SLC5A12: variants seen among roughly 807,000 people sequenced by gnomAD.
SLC5A12 encodes the protein sodium-coupled monocarboxylate transporter 2.
Under a neutral mutation model 72.7 loss-of-function variants are expected in SLC5A12, and 46 were observed. The observed-to-expected ratio is 0.63, with a 90% CI of 0.50 to 0.81. The LOEUF (loss-of-function observed/expected upper bound fraction) is 0.81. SLC5A12 is among the 30% of genes least tolerant of loss of function. SLC5A12 has a pLI of 0.00. For missense variants in SLC5A12, 683 were observed against 740.7 expected (o/e 0.92, Z 0.90); for synonymous variants, 275 against 264.4 (o/e 1.04, Z -0.39).
At chr11:26,709,280 T>C in intron 4 of SLC5A12, 32 bp downstream of exon 4, 1 of 1,516,428 alleles carries the variant, frequency 6.6e-7, no homozygotes, top group East Asian at 2.3e-5. Flanking sequence ...TAGGAGGTAG[T>C]GTTAAATACT....
chr11:26,689,665 AT>A (rs917866136), intron 9 of SLC5A12, among the ~76,000 whole-genome samples: 6 of 151,578 alleles, frequency 4.0e-5, no homozygotes, highest in African/African-American at 7.3e-5. Context: ...TTATAGGTGA[AT>A]TTTTTTTTAC....
chr11:26,704,344 C>G (rs1590732312), intron 4 of SLC5A12, among the ~76,000 whole-genome samples: 1 of 152,102 alleles, frequency 6.6e-6, no homozygotes, highest in Non-Finnish European at 1.5e-5. Flanking sequence ...AGAGGACAAA[C>G]AGAAGCGGGA....
At chr11:26,693,937 G>C (rs747450879) in intron 8 of SLC5A12, among the ~76,000 whole-genome samples, 3 of 152,076 alleles carry the variant, frequency 2.0e-5, no homozygotes. Context: ...AGTTAAATAA[G>C]GAGAGAAGGG....
At chr11:26,688,543 A>G (rs1854591504) in intron 9 of SLC5A12, among the ~76,000 whole-genome samples, 1 of 152,222 alleles carries the variant, frequency 6.6e-6, no homozygotes, top group African/African-American at 2.4e-5. Flanking sequence ...ACATGACAAA[A>G]TGTTGCCAAA....
At chr11:26,706,872 T>C (rs1032780856) in intron 4 of SLC5A12, among the ~76,000 whole-genome samples, 3 of 150,504 alleles carry the variant, frequency 2.0e-5, no homozygotes, top group South Asian at 2.1e-4. Context: ...TTTAATAATA[T>C]ATAAATTATA....
chr11:26,704,087 C>T, intron 4 of SLC5A12, 140 bp from the exon 5 acceptor site: 1 of 842,646 alleles, frequency 1.2e-6, no homozygotes, highest in Non-Finnish European at 1.9e-6. Flanking sequence ...GTGCCAAGTA[C>T]CATGTTAAGC....
chr11:26,678,879 C>A (rs889018100), intron 12 of SLC5A12, 64 bp from the exon 13 acceptor site: 2 of 1,090,454 alleles, frequency 1.8e-6, no homozygotes, highest in Admixed American at 2.2e-5. Flanking sequence ...ATGTAGAGGA[C>A]TGCTCAGGAT....
At position 26,697,150 on chromosome 11, in the gene SLC5A12, G is replaced by T. The variant is rs1224230460; in HGVS notation, c.1040+14C>A. On this transcript the variant is annotated intron_variant, in intron 8 of 14. Coordinates refer to ENST00000396005, the MANE Select transcript of SLC5A12 (RefSeq NM_178498.4). Reference sequence around the variant, plus strand: ...TTTCCATCATCATCATCAGATTGTTGTTGCTATACTAACCTCAGAGTTCCA... The same window carrying T: ...TTTCCATCATCATCATCAGATTGTTTTTGCTATACTAACCTCAGAGTTCCA... The T allele has an allele frequency of 1.2e-6, 2 of 1,601,586 alleles. No homozygotes were observed. The highest frequency in any genetic ancestry group is 1.7e-6 in the Non-Finnish European group (2 of 1,171,980).
intron 6 of SLC5A12, among the ~76,000 whole-genome samples, chr11:26,699,525 A>T (rs1207036307): frequency 2.6e-5 from 4 of 152,174 alleles, no homozygotes; most frequent in Non-Finnish European, 4.4e-5. Context: ...AGAAGTTTTT[A>T]TCTCAAAGTC....
intron 9 of SLC5A12, 73 bp downstream of exon 9, chr11:26,692,416 A>C: frequency 1.0e-6 from 1 of 984,982 alleles, no homozygotes; most frequent in Non-Finnish European, 1.6e-6. Flanking sequence ...CCTGAATAGC[A>C]CATGCAGGAT....
Position 26,669,108 on chromosome 11 carries a change from C to G in SLC5A12, c.*1994G>C, listed in dbSNP as rs928671919. The G allele has an allele frequency of 1.3e-5, 2 of 151,044 alleles. No homozygotes were observed. The highest frequency in any genetic ancestry group is 3.0e-5 in the Non-Finnish European group (2 of 67,760). 9.4% of individuals were successfully genotyped at this position (151,044 alleles called of 1,614,324 possible). On this transcript the variant is annotated 3_prime_UTR_variant, in exon 15 of 15. Transcript: ENST00000396005. ...ATGTAATACCTACCATTAATTTATT[C>G]TCATCCTCAGAATTGCTGTTTTTTT...
chr11:26,697,892 C>CTTTTTTTTT (rs34284911), intron 7 of SLC5A12, among the ~76,000 whole-genome samples: 1 of 93,970 alleles, frequency 1.1e-5, no homozygotes, highest in African/African-American at 4.3e-5. Flanking sequence ...GAGATGCCGT[C>CTTTTTTTTT]TTTTTTTTTT....
chr11:26,668,722 A>G lies in SLC5A12; in HGVS notation c.*2380T>C, dbSNP rs1854056938. 6.6e-6 allele frequency: 1 copy of G among 152,028 alleles called. No homozygotes were observed. Among genetic ancestry groups the G allele is most frequent in the Admixed American group, 6.6e-5 (1 of 15,224 alleles). The allele number at this position is 152,028 out of a possible 1,614,324, so 9.4% of individuals were successfully genotyped here. On this transcript the variant is annotated 3_prime_UTR_variant, in exon 15 of 15. Coordinates refer to ENST00000396005, the MANE Select transcript of SLC5A12 (RefSeq NM_178498.4). ...ATTAAGAAGAATGGGGGGAGTCTCT[A>G]CATTGACCTCTAAAATCTCTTGAAA...
chr11:26,712,823 G>C (rs369762687), intron 1 of SLC5A12, 117 bp from the exon 2 acceptor site: 28 of 502,398 alleles, frequency 5.6e-5, no homozygotes, highest in African/African-American at 4.5e-4. Flanking sequence ...CTGATTTTAT[G>C]ATATGTATCC....
chr11:26,684,604 C>A (rs2133152372), intron 10 of SLC5A12, among the ~76,000 whole-genome samples: 1 of 152,172 alleles, frequency 6.6e-6, no homozygotes, highest in South Asian at 2.1e-4. Flanking sequence ...ACATCTTAAT[C>A]AATCAAGAAG....
In SLC5A12 at chr11:26,681,164, C is replaced by T. The variant is rs1000693284; in HGVS notation, c.1366G>A (p.Ala456Thr). The T allele has an allele frequency of 1.9e-6, 3 of 1,611,000 alleles. No individual in the cohort carries two copies. Among genetic ancestry groups the T allele is most frequent in the Non-Finnish European group, 2.5e-6 (3 of 1,178,668 alleles). Residue 456 changes from alanine (A) to threonine (T), a missense_variant, in exon 12 of 15, where the codon GCC becomes ACC. Transcript: ENST00000396005. Reference protein sequence around the residue: ...ITLSFWVAIGAFIYPAPASKT... With the variant: ...ITLSFWVAIGTFIYPAPASKT... ...GAGGCTGGTGCAGGGTAAATGAAGG[C>T]CCCAATGGCCACCCAAAATGACAAG...
chr11:26,667,144 G>T lies in SLC5A12; in HGVS notation c.*3958C>A, dbSNP rs1854013500. 1 of 151,786 alleles carries T rather than the reference G, an allele frequency of 6.6e-6. No individual in the cohort carries two copies. The highest frequency in any genetic ancestry group is 6.6e-5 in the Admixed American group (1 of 15,208). The allele number at this position is 151,786 out of a possible 1,614,324, so 9.4% of individuals were successfully genotyped here. A position where few individuals can be genotyped will look rare whatever the true frequency, so the allele number is the denominator to read the frequency against. On this transcript the variant is annotated 3_prime_UTR_variant, in exon 15 of 15. Coordinates refer to ENST00000396005, the MANE Select transcript of SLC5A12 (RefSeq NM_178498.4). ...TAGGTTATACTACAAGATTATAAAT[G>T]CTAGATAAAAGCAGTTAACTCTATA... is the stretch of plus-strand genomic sequence containing the variant.
intron 11 of SLC5A12, among the ~76,000 whole-genome samples, chr11:26,682,357 C>A (rs1854430018): frequency 6.6e-6 from 1 of 152,078 alleles, no homozygotes; most frequent in Non-Finnish European, 1.5e-5. Flanking sequence ...TTTGCTGACC[C>A]CTGGCCTACC....
At chr11:26,707,790 G>A (rs924015906) in intron 4 of SLC5A12, among the ~76,000 whole-genome samples, 1 of 151,868 alleles carries the variant, frequency 6.6e-6, no homozygotes, top group Admixed American at 6.6e-5. Context: ...TTGCTATTTT[G>A]TATTTTTTAT....
Sources: allele counts gnomAD v4.1 joint callset (sites outside exome capture counted in the v4.1 genomes callset), GRCh38; gene constraint gnomAD v4.1.1; transcripts MANE v1.5; gene names NCBI Gene and HGNC (gene_info 2026-07-23, HGNC 2026-07-21).